CRACDL: variants seen among roughly 807,000 people sequenced by gnomAD.
The protein encoded by CRACDL is CRACD like, also known as CRACD-like protein.
Under a neutral mutation model 70.6 loss-of-function variants are expected in CRACDL, and 26 were observed. That is an observed-to-expected ratio of 0.37 (90% CI 0.27 to 0.51). The LOEUF is 0.51. Among genes scored for constraint, CRACDL ranks in the 20% least tolerant of loss-of-function variants. The pLI, the probability that CRACDL is intolerant of heterozygous loss-of-function variation, is 0.94. For synonymous variants in CRACDL, 618 were observed against 615.2 expected, an observed-to-expected ratio of 1.00 and a Z score of -0.07; for missense variants, 1,283 against 1,376.9, an observed-to-expected ratio of 0.93 and a Z score of 1.08.
intron 1 of CRACDL, among the ~76,000 whole-genome samples, chr2:98,902,615 G>A (rs1300356156): frequency 6.6e-6 from 1 of 152,084 alleles, no homozygotes; most frequent in Admixed American, 6.6e-5. Context: ...GCGTAGGTGG[G>A]GATCGCTGGC....
chr2:98,861,207 C>T (rs889928664), intron 1 of CRACDL, among the ~76,000 whole-genome samples: 4 of 152,064 alleles, frequency 2.6e-5, no homozygotes, highest in African/African-American at 4.8e-5. Context: ...ATTAGCTGGG[C>T]GTGGTGGTGC....
At chr2:98,933,399 T>C (rs1709131697) in intron 1 of CRACDL, among the ~76,000 whole-genome samples, 1 of 152,300 alleles carries the variant, frequency 6.6e-6, no homozygotes, top group Non-Finnish European at 1.5e-5. Context: ...GGGACGAAGC[T>C]ACCTTTAAGC....
At chr2:98,821,789 G>C in intron 7 of CRACDL, 68 bp downstream of exon 7, 1 of 1,556,976 alleles carries the variant, frequency 6.4e-7, no homozygotes, top group East Asian at 2.3e-5. Flanking sequence ...CGAGTGTCCA[G>C]CAAGATGTGC....
chr2:98,849,089 A>G (rs764325377), intron 1 of CRACDL, among the ~76,000 whole-genome samples: 1 of 152,172 alleles, frequency 6.6e-6, no homozygotes, highest in Non-Finnish European at 1.5e-5. Context: ...AGCTGTCCCC[A>G]GTGGGGCTCA....
At chr2:98,934,446 C>A (rs1164785359) in intron 1 of CRACDL, among the ~76,000 whole-genome samples, 1 of 152,138 alleles carries the variant, frequency 6.6e-6, no homozygotes, top group African/African-American at 2.4e-5. Flanking sequence ...CCACCTGCCT[C>A]GGCCTCCCAA....
chr2:98,878,283 T>C (rs183940985), intron 1 of CRACDL, among the ~76,000 whole-genome samples: 1 of 152,340 alleles, frequency 6.6e-6, no homozygotes, highest in African/African-American at 2.4e-5. Context: ...TTACTGTCCC[T>C]TTTCTATGTT....
chr2:98,901,907 C>T (rs966248834), intron 1 of CRACDL, among the ~76,000 whole-genome samples: 8 of 152,064 alleles, frequency 5.3e-5, no homozygotes, highest in Non-Finnish European at 7.4e-5. Context: ...CAAGAACTCG[C>T]GAGCCGGGCG....
chr2:98,891,128 C>T (rs1707960930), intron 1 of CRACDL, among the ~76,000 whole-genome samples: 1 of 151,716 alleles, frequency 6.6e-6, no homozygotes, highest in African/African-American at 2.4e-5. Context: ...TCTGTAATCC[C>T]AGCACTTTGG....
intron 1 of CRACDL, among the ~76,000 whole-genome samples, chr2:98,898,016 A>G (rs1397553145): frequency 6.6e-6 from 1 of 152,242 alleles, no homozygotes; most frequent in Non-Finnish European, 1.5e-5. Context: ...GCCTCAATGC[A>G]GCTGGGGAAG....
intron 1 of CRACDL, among the ~76,000 whole-genome samples, chr2:98,892,480 A>G (rs920257002): frequency 1.3e-5 from 2 of 152,002 alleles, no homozygotes; most frequent in African/African-American, 4.8e-5. Context: ...CACTTGAGGT[A>G]AAGAGTTCGA....
rs1237088983 is a variant in CRACDL, at chr2:98,832,866, A to G, written c.371T>C (p.Leu124Pro). Residue 124 changes from leucine to proline, a missense_variant, in exon 4 of 10, where the codon CTG (leucine) becomes CCG (proline). Coordinates refer to ENST00000397899, the MANE Select transcript of CRACDL (RefSeq NM_207362.3). ...QENVCDRIKA[L>P]QLKIQCNVKM... ...CATGACCAAGGAAACATTTACCTGC[A>G]GAGCTTTAATCCGATCACACACATT... 5 of 1,614,056 alleles carry G rather than the reference A, an allele frequency of 3.1e-6. No individual in the cohort carries two copies. The highest frequency in any genetic ancestry group is 4.2e-6 in the Non-Finnish European group (5 of 1,179,984).
At chr2:98,805,304 CCCT>C (rs549703683) in intron 7 of CRACDL, among the ~76,000 whole-genome samples, 45 of 152,278 alleles carry the variant, frequency 3.0e-4, no homozygotes, top group African/African-American at 9.6e-4. Flanking sequence ...ACAAAACCCC[CCCT>C]AAGACAGGAG....
intron 4 of CRACDL, 73 bp downstream of exon 4, chr2:98,832,789 C>T: frequency 6.3e-7 from 1 of 1,576,246 alleles, no homozygotes; most frequent in Non-Finnish European, 8.7e-7. Context: ...ATAAACCAAG[C>T]AGAAATCATT....
intron 1 of CRACDL, among the ~76,000 whole-genome samples, chr2:98,851,548 A>G (rs1174860616): frequency 6.6e-6 from 1 of 152,138 alleles, no homozygotes; most frequent in African/African-American, 2.4e-5. Context: ...CTCCCTTTCC[A>G]ACAGTGCTTT....
At chr2:98,798,755 G>A (rs1383453823) in intron 7 of CRACDL, among the ~76,000 whole-genome samples, 2 of 151,326 alleles carry the variant, frequency 1.3e-5, no homozygotes, top group African/African-American at 2.4e-5. Flanking sequence ...ACAGTGGTGC[G>A]ATCAAGGCTC....
intron 7 of CRACDL, among the ~76,000 whole-genome samples, chr2:98,819,778 T>C (rs1704944905): frequency 6.6e-6 from 1 of 151,908 alleles, no homozygotes; most frequent in Non-Finnish European, 1.5e-5. Context: ...ATTTCCTCTC[T>C]GTCCCACAAT....
chr2:98,832,884 C>T lies in CRACDL; in HGVS notation c.353G>A (p.Cys118Tyr), dbSNP rs765827104. ...TACCTGCAGAGCTTTAATCCGATCACACACATTTTCTTGGGAAAACACCCG... is the reference window on the plus strand; with the variant it reads ...TACCTGCAGAGCTTTAATCCGATCATACACATTTTCTTGGGAAAACACCCG... Reference protein sequence around the residue: ...PVRVFSQENVCDRIKALQLKI... With the variant: ...PVRVFSQENVYDRIKALQLKI... Residue 118 changes from cysteine to tyrosine, a missense_variant, in exon 4 of 10, where the codon TGT becomes TAT. Cys to Tyr is a radical substitution (Grantham distance 194). Transcript: ENST00000397899. 3 of 1,614,200 alleles carry T rather than the reference C, an allele frequency of 1.9e-6. No individual in the cohort carries two copies. The highest frequency in any genetic ancestry group is 2.5e-6 in the Non-Finnish European group (3 of 1,180,034).
Position 98,822,944 on chromosome 2 carries a change from C to A in CRACDL, c.1329G>T (p.Pro443=). The change falls in exon 7 of 10, where the codon CCG becomes CCT. Residue 443 remains proline (P), a synonymous_variant. Transcript: ENST00000397899. The surrounding 1 kb of genome is among the most constrained non-coding windows in gnomAD (Gnocchi z 4.9). ...CCTTCTCCTCATCCGGGAGCACGGGCGGCGTCGGCTCCGCTTCCTTCGGGA... is the reference window on the plus strand; with the variant it reads ...CCTTCTCCTCATCCGGGAGCACGGGAGGCGTCGGCTCCGCTTCCTTCGGGA... ...RSVPKEAEPT[P]PVLPDEEKGP... The A allele has an allele frequency of 6.8e-7, 1 of 1,460,418 alleles. No homozygotes were observed. Among genetic ancestry groups the A allele is most frequent in the African/African-American group, 1.5e-5 (1 of 67,616 alleles). The allele number at this position is 1,460,418 out of a possible 1,614,324, so 90.5% of individuals were successfully genotyped here. A position where few individuals can be genotyped will look rare whatever the true frequency, so the allele number is the denominator to read the frequency against.
chr2:98,923,298 T>C (rs1270069311), intron 1 of CRACDL, among the ~76,000 whole-genome samples: 5 of 150,416 alleles, frequency 3.3e-5, no homozygotes, highest in Admixed American at 1.3e-4. Flanking sequence ...AAAAAGAAAA[T>C]TGTGATCATG....
Sources: gnomAD v4.1 joint callset for allele counts (sites outside exome capture counted in the v4.1 genomes callset) on GRCh38, gnomAD v4.1.1 for gene constraint, Gnocchi (gnomAD v3.1) non-coding constraint, MANE v1.5 for transcripts, NCBI Gene and HGNC (gene_info 2026-07-23, HGNC 2026-07-21) for gene names.